Variants in PCDHA4 observed in about 807,000 individuals in gnomAD.
PCDHA4 encodes protocadherin alpha-4.
In PCDHA4, 49 loss-of-function variants were observed where a neutral mutation model predicts 61.4. The observed-to-expected ratio is 0.80, with a 90% CI of 0.63 to 1.01. The LOEUF (loss-of-function observed/expected upper bound fraction) is 1.01. Among genes scored for constraint, PCDHA4 ranks in the 50% least tolerant of loss-of-function variants. The pLI is 0.00. For synonymous variants in PCDHA4, 590 were observed against 550.3 expected (o/e 1.07, Z -1.01); for missense variants, 1,254 against 1,235.8 (o/e 1.01, Z -0.22).
At chr5:140,847,907 G>GT (rs1781241234) in intron 1 of PCDHA4, 1 of 149,326 alleles carries the variant, frequency 6.7e-6, no homozygotes, top group Non-Finnish European at 1.5e-5. Context: ...TAGATTTCTG[G>GT]GCTCCTATAT....
chr5:140,924,754 G>T (rs1332624356), intron 1 of PCDHA4, among the ~76,000 whole-genome samples: 1 of 151,848 alleles, frequency 6.6e-6, no homozygotes, highest in African/African-American at 2.4e-5. Flanking sequence ...AATTAACCGA[G>T]CATGGTGGTG....
chr5:140,872,241 C>T (rs187831325), intron 1 of PCDHA4, among the ~76,000 whole-genome samples: 8 of 151,642 alleles, frequency 5.3e-5, no homozygotes, highest in Admixed American at 5.3e-4. Context: ...TGTCTTTATT[C>T]CTGTGATAAT....
chr5:140,877,467 G>A (rs1554169776), intron 1 of PCDHA4: 1 of 1,613,750 alleles, frequency 6.2e-7, no homozygotes, highest in African/African-American at 1.3e-5. Flanking sequence ...CGGCCACGGT[G>A]CTGGTGTCGC....
chr5:140,894,446 T>A (rs981858089), intron 1 of PCDHA4, among the ~76,000 whole-genome samples: 18 of 152,000 alleles, frequency 1.2e-4, no homozygotes, highest in African/African-American at 3.4e-4. Context: ...AGCTCTTTTT[T>A]AAAAAATATT....
rs2150344223 is a variant in PCDHA4 at position 140,842,785 on chromosome 5, G to T, written c.2385+33213G>T. The T allele has an allele frequency of 1.1e-4, 175 of 1,594,390 alleles. 18 individuals are homozygous for T. Among genetic ancestry groups the T allele is most frequent in the Non-Finnish European group, 1.4e-4 (165 of 1,165,442 alleles). ...GAGACGCGGACGCGCAGGAGAACGCGCTGGTGTCCTACTCGCTTGTGGAGC... is the reference window on the plus strand; with the variant it reads ...GAGACGCGGACGCGCAGGAGAACGCTCTGGTGTCCTACTCGCTTGTGGAGC... On this transcript the variant is annotated intron_variant, in intron 1 of 3. Coordinates refer to ENST00000530339, the MANE Select transcript of PCDHA4 (RefSeq NM_018907.4).
chr5:140,866,180 T>C (rs2049194377), intron 1 of PCDHA4: 1 of 152,136 alleles, frequency 6.6e-6, no homozygotes, highest in African/African-American at 2.4e-5. Context: ...GTAAGAAAAG[T>C]CAGAAAACTG....
intron 3 of PCDHA4, among the ~76,000 whole-genome samples, chr5:140,997,698 ATGTT>A (rs1297045627): frequency 1.4e-5 from 2 of 145,558 alleles, no homozygotes; most frequent in African/African-American, 5.1e-5. Flanking sequence ...GTGTGTGTGT[ATGTT>A]AACAAACACC....
At position 140,809,455 on chromosome 5, in the gene PCDHA4, G is replaced by A. The variant is rs146943849; in HGVS notation, c.2268G>A (p.Pro756=). ...GSWSYSQQRR[P]RVCSGEGPPK... is the part of the protein sequence containing the mutation. ...GGTCATACTCGCAGCAGAGGAGGCC[G>A]AGGGTGTGCTCTGGTGAGGGCCCAC... Residue 756 remains proline, a synonymous_variant, in exon 1 of 4, where the codon CCG becomes CCA. Transcript: ENST00000530339. 3,828 of 1,614,228 alleles carry A rather than the reference G, an allele frequency of 2.4e-3. 18 individuals are homozygous for A. Among genetic ancestry groups the A allele is most frequent in the Middle Eastern group, 0.01 (62 of 6,062 alleles).
intron 1 of PCDHA4, chr5:140,884,259 C>T (rs1554181391): frequency 1.9e-6 from 3 of 1,613,378 alleles, no homozygotes; most frequent in Admixed American, 1.7e-5. Flanking sequence ...GCCACGGCAA[C>T]GGTGCTGTTG....
intron 3 of PCDHA4, among the ~76,000 whole-genome samples, chr5:140,985,577 G>GC (rs1195077647): frequency 6.6e-6 from 1 of 152,116 alleles, no homozygotes; most frequent in Non-Finnish European, 1.5e-5. Flanking sequence ...TGGTGCCTAA[G>GC]CCTCCTTATA....
chr5:140,870,748 A>G lies in PCDHA4; in HGVS notation c.2385+61176A>G, dbSNP rs782462608. ...CGTGCCGCCTCTGAGCAGCAACGTG[A>G]CGCTGCAGGTGTTCGTGCTGGACGA... On this transcript the variant is annotated intron_variant, in intron 1 of 3. Transcript: ENST00000530339. The G allele has an allele frequency of 1.9e-6, 3 of 1,613,510 alleles. No individual in the cohort carries two copies. In the South Asian group the frequency reaches 3.3e-5, roughly 18 times the overall value.
intron 1 of PCDHA4, chr5:140,966,543 A>C (rs200134570): frequency 6.5e-6 from 3 of 461,074 alleles, no homozygotes; most frequent in Admixed American, 4.3e-5. Context: ...AGCGACTCGG[A>C]GGCGAGCGGA....
chr5:140,923,451 C>T (rs1256990906), intron 1 of PCDHA4, among the ~76,000 whole-genome samples: 2 of 151,914 alleles, frequency 1.3e-5, no homozygotes, highest in African/African-American at 4.8e-5. Context: ...TCACCTGAGC[C>T]CAGAGAGGTA....
chr5:140,831,995 T>C (rs1371485520), intron 1 of PCDHA4, among the ~76,000 whole-genome samples: 2 of 152,226 alleles, frequency 1.3e-5, no homozygotes, highest in African/African-American at 4.8e-5. Flanking sequence ...ACGGATTCCA[T>C]ATTGTTTTCA....
chr5:140,933,734 T>C (rs1355766834), intron 1 of PCDHA4, among the ~76,000 whole-genome samples: 2 of 152,062 alleles, frequency 1.3e-5, no homozygotes, highest in Admixed American at 6.5e-5. Flanking sequence ...CTTTCTTAAA[T>C]ATTTGGTAGA....
chr5:140,958,617 A>C (rs2095434462), intron 1 of PCDHA4, among the ~76,000 whole-genome samples: 1 of 152,204 alleles, frequency 6.6e-6, no homozygotes, highest in Admixed American at 6.5e-5. Flanking sequence ...ATACTAGTCC[A>C]GCTTGAGAGT....
intron 1 of PCDHA4, among the ~76,000 whole-genome samples, chr5:140,911,609 C>T (rs1554194830): frequency 6.6e-6 from 1 of 152,170 alleles, no homozygotes; most frequent in Non-Finnish European, 1.5e-5. Flanking sequence ...TCATTATGTT[C>T]CTTAGTTCCC....
At chr5:140,912,914 T>C (rs141956430) in intron 1 of PCDHA4, among the ~76,000 whole-genome samples, 326 of 152,372 alleles carry the variant, frequency 2.1e-3, no homozygotes, top group African/African-American at 7.4e-3. Context: ...ATTGATTGAT[T>C]TGTGTATGTT....
At position 140,842,992 on chromosome 5, in the gene PCDHA4, C is replaced by T. The variant is rs144435690; in HGVS notation, c.2385+33420C>T. The T allele has an allele frequency of 5.2e-4, 826 of 1,594,968 alleles. 57 individuals carry two copies. In the African/African-American group the frequency reaches 9.5e-3, roughly 18 times the overall value. On this transcript the variant is annotated intron_variant, in intron 1 of 3. Transcript: ENST00000530339. ...TGACGCTGCAGGTGTTCGTGCTGGA[C>T]GAGAATGACAACGCGCCGGCACTGC...
Sources: allele counts gnomAD v4.1 joint callset (sites outside exome capture counted in the v4.1 genomes callset), GRCh38; gene constraint gnomAD v4.1.1; transcripts MANE v1.5; gene names NCBI Gene and HGNC (gene_info 2026-07-23, HGNC 2026-07-21).